The following APBB2 variants were observed in gnomAD, a reference collection of about 807,000 sequenced individuals.
APBB2 encodes the protein Fe65-like 1.
Under a neutral mutation model 82.5 loss-of-function variants are expected in APBB2, and 38 were observed. The observed-to-expected ratio is 0.46, with a 90% CI of 0.36 to 0.60. APBB2 has a LOEUF of 0.60. Among genes scored for constraint, APBB2 ranks in the 20% least tolerant of loss-of-function variants. APBB2 has a pLI of 0.00. For synonymous variants in APBB2, 341 were observed against 368.2 expected (o/e 0.93, Z 0.85); for missense variants, 772 against 972.3 (o/e 0.79, Z 2.74).
At chr4:40,909,868 C>CTTTACAACATGTAGCACAACATGTT (rs1451706544) in intron 10 of APBB2, among the ~76,000 whole-genome samples, 24 of 152,342 alleles carry the variant, frequency 1.6e-4, no homozygotes, top group Non-Finnish European at 2.9e-5. Flanking sequence ...AAGCTGCATG[C>CTTTACAACATGTAGCACAACATGTT]TTTACAACAT....
chr4:41,173,030 T>C (rs1768755023), intron 1 of APBB2, among the ~76,000 whole-genome samples: 1 of 152,216 alleles, frequency 6.6e-6, no homozygotes, highest in Non-Finnish European at 1.5e-5. Flanking sequence ...GCTGTCATCT[T>C]CTCTTTCAAA....
At chr4:41,032,727 G>A (rs1314185755) in intron 5 of APBB2, among the ~76,000 whole-genome samples, 1 of 149,992 alleles carries the variant, frequency 6.7e-6, no homozygotes, top group Admixed American at 6.6e-5. Flanking sequence ...ACACAAATAT[G>A]GTTAAGTCCA....
At position 41,160,137 on chromosome 4, in the gene APBB2, T is replaced by C. The variant is rs35449594; in HGVS notation, c.-416-16995A>G. Among the ~76,000 whole-genome samples the C allele has an allele frequency of 9.5e-3, 1,448 of 152,024 alleles. 33 individuals carry two copies. The highest frequency in any genetic ancestry group is 0.033 in the African/African-American group (1,368 of 41,416). ...GCCACGGAGGTGATTCAGACAACAG[T>C]AATGCAGTGATCCAGGGCCCAGGGC... On this transcript the variant is annotated intron_variant, in intron 1 of 17. Coordinates refer to ENST00000508593, the MANE Select transcript of APBB2 (RefSeq NM_004307.2).
chr4:40,905,171 A>C (rs1440187144), intron 10 of APBB2, among the ~76,000 whole-genome samples: 1 of 152,114 alleles, frequency 6.6e-6, no homozygotes, highest in Non-Finnish European at 1.5e-5. Flanking sequence ...TTGATCCATA[A>C]TTGAAATATC....
chr4:40,967,397 T>G (rs1794934336), intron 6 of APBB2, among the ~76,000 whole-genome samples: 1 of 152,172 alleles, frequency 6.6e-6, no homozygotes, highest in Non-Finnish European at 1.5e-5. Flanking sequence ...CTGCAGCCTT[T>G]TGGGGAGCCC....
chr4:41,053,982 T>G (rs1461855417), intron 4 of APBB2, among the ~76,000 whole-genome samples: 1 of 152,174 alleles, frequency 6.6e-6, no homozygotes, highest in Non-Finnish European at 1.5e-5. Context: ...CATATCTGCT[T>G]AATTTAACAG....
At chr4:40,890,608 T>A in intron 11 of APBB2, 117 bp from the exon 12 acceptor site, 1 of 1,375,374 alleles carries the variant, frequency 7.3e-7, no homozygotes, top group Non-Finnish European at 9.8e-7. Context: ...CTGGGGTCTG[T>A]AATTTGTCTG....
chr4:41,117,500 C>A (rs1362480562), intron 2 of APBB2, among the ~76,000 whole-genome samples: 1 of 152,078 alleles, frequency 6.6e-6, no homozygotes, highest in Non-Finnish European at 1.5e-5. Flanking sequence ...ACCATCTTGG[C>A]CAGGCTGGTC....
chr4:41,014,517 TC>T, intron 5 of APBB2, 119 bp from the exon 6 acceptor site: 2 of 945,570 alleles, frequency 2.1e-6, no homozygotes, highest in Non-Finnish European at 3.3e-6. Context: ...ACATACATTC[TC>T]ATAGAATGGA....
At chr4:41,024,266 G>A (rs1164151377) in intron 5 of APBB2, among the ~76,000 whole-genome samples, 1 of 152,136 alleles carries the variant, frequency 6.6e-6, no homozygotes. Flanking sequence ...CCTGGACAAA[G>A]GAATGGATAA....
At chr4:40,917,918 T>G (rs1327875175) in intron 10 of APBB2, among the ~76,000 whole-genome samples, 1 of 152,242 alleles carries the variant, frequency 6.6e-6, no homozygotes, top group Non-Finnish European at 1.5e-5. Flanking sequence ...ATGAACCTTC[T>G]TGTTTTAACA....
intron 15 of APBB2, among the ~76,000 whole-genome samples, chr4:40,825,143 G>A (rs1452978426): frequency 6.6e-6 from 1 of 152,136 alleles, no homozygotes; most frequent in Non-Finnish European, 1.5e-5. Flanking sequence ...AGGTTGTTTC[G>A]CTTTTTGACT....
Position 41,004,836 on chromosome 4 carries a change from CAAAAAAAAA to C in APBB2, c.835+8738_835+8746del, listed in dbSNP as rs34941899. 3.7e-4 allele frequency among the ~76,000 whole-genome samples: 18 copies of C among 49,276 alleles called. No homozygotes were observed. In the South Asian group the frequency reaches 8.4e-3, roughly 23 times the overall value. The allele number at this position is 49,276 out of a possible 152,430, so 32.3% of individuals were successfully genotyped here. On this transcript the variant is annotated intron_variant, in intron 6 of 17. Coordinates refer to ENST00000508593, the MANE Select transcript of APBB2 (RefSeq NM_004307.2). ...TGGGCGACACAGCGAGACCCCATCT[CAAAAAAAAA>C]AAAAAAAAAAAAAAGACTGGCATGT...
chr4:41,016,159 T>C (rs901103691), intron 5 of APBB2, among the ~76,000 whole-genome samples: 1 of 152,170 alleles, frequency 6.6e-6, no homozygotes, highest in Non-Finnish European at 1.5e-5. Context: ...AAAGTGCAAA[T>C]CTGCTGTTCC....
intron 10 of APBB2, among the ~76,000 whole-genome samples, chr4:40,900,096 A>AT (rs1774849120): frequency 6.6e-6 from 1 of 152,228 alleles, no homozygotes; most frequent in Non-Finnish European, 1.5e-5. Context: ...TAGAAAACGA[A>AT]AAGAGTTCAC....
intron 5 of APBB2, among the ~76,000 whole-genome samples, chr4:41,026,632 G>A (rs1233566695): frequency 6.6e-6 from 1 of 152,108 alleles, no homozygotes; most frequent in East Asian, 1.9e-4. Context: ...GTATCTTCAA[G>A]GTTCATCCAT....
intron 1 of APBB2, among the ~76,000 whole-genome samples, chr4:41,207,583 C>T (rs564117665): frequency 2.6e-5 from 4 of 152,308 alleles, no homozygotes; most frequent in Non-Finnish European, 4.4e-5. Flanking sequence ...TGTTCCCTTA[C>T]ACCCTCATCT....
At chr4:41,099,979 G>A (rs1406649627) in intron 3 of APBB2, among the ~76,000 whole-genome samples, 9 of 151,878 alleles carry the variant, frequency 5.9e-5, no homozygotes. Context: ...GATCTGTAAG[G>A]TCCATTTTTC....
intron 1 of APBB2, among the ~76,000 whole-genome samples, chr4:41,208,639 A>T (rs751336846): frequency 1.3e-5 from 2 of 152,234 alleles, no homozygotes; most frequent in Non-Finnish European, 2.9e-5. Context: ...ATACTTGCCA[A>T]TGAGTTACAC....
Sources: gnomAD v4.1 joint callset for allele counts (sites outside exome capture counted in the v4.1 genomes callset) on GRCh38, gnomAD v4.1.1 for gene constraint, MANE v1.5 for transcripts, NCBI Gene and HGNC (gene_info 2026-07-23, HGNC 2026-07-21) for gene names.